The following GALNTL6 variants were observed in gnomAD, a reference collection of about 807,000 sequenced individuals.
The protein encoded by GALNTL6 is polypeptide N-acetylgalactosaminyltransferase-like 6.
GALNTL6 carries 46 observed loss-of-function variants against 73.7 expected under a neutral mutation model. That is an observed-to-expected ratio of 0.62 (90% CI 0.49 to 0.80). The LOEUF is 0.80. Ranked by LOEUF, GALNTL6 falls within the 30% of genes least tolerant of loss-of-function variation. The pLI is 0.00. For missense variants in GALNTL6, 604 were observed against 755.0 expected (o/e 0.80, Z 2.34); for synonymous variants, 259 against 263.7 (o/e 0.98, Z 0.17).
chr4:172,168,592 G>A (rs1734708892), intron 2 of GALNTL6, among the ~76,000 whole-genome samples: 1 of 151,674 alleles, frequency 6.6e-6, no homozygotes, highest in Non-Finnish European at 1.5e-5. Flanking sequence ...TGATGGTGGA[G>A]GTGGTGGTGG....
intron 5 of GALNTL6, among the ~76,000 whole-genome samples, chr4:172,442,694 A>C (rs1035505968): frequency 2.0e-5 from 3 of 152,148 alleles, no homozygotes; most frequent in Admixed American, 6.6e-5. Context: ...GAGTCCATCC[A>C]TTCAGTTACC....
intron 9 of GALNTL6, among the ~76,000 whole-genome samples, chr4:172,939,329 C>A (rs959747064): frequency 6.6e-5 from 10 of 152,014 alleles, no homozygotes; most frequent in African/African-American, 2.2e-4. Flanking sequence ...AATATAACAC[C>A]CTCTACTTAG....
intron 2 of GALNTL6, among the ~76,000 whole-genome samples, chr4:171,897,302 C>A (rs139092425): frequency 8.5e-5 from 13 of 152,216 alleles, no homozygotes; most frequent in African/African-American, 2.9e-4. Flanking sequence ...CTATCTTTAT[C>A]TTATTCATTA....
At chr4:171,842,211 G>A (rs1171266493) in intron 2 of GALNTL6, among the ~76,000 whole-genome samples, 1 of 152,004 alleles carries the variant, frequency 6.6e-6, no homozygotes, top group Non-Finnish European at 1.5e-5. Context: ...TACAATTATA[G>A]TGTGTTGATC....
At position 172,701,632 on chromosome 4, in the gene GALNTL6, CG is replaced by C. The variant is rs1424929151; in HGVS notation, c.554-107727del. 3.9e-5 allele frequency among the ~76,000 whole-genome samples: 6 copies of C among 152,124 alleles called. No homozygotes were observed. The East Asian group carries it at 1.2e-3, about 29-fold the overall frequency. On this transcript the variant is annotated intron_variant, in intron 5 of 12. Coordinates refer to ENST00000506823, the MANE Select transcript of GALNTL6 (RefSeq NM_001034845.3). ...GCTGGTGGCGATTTCTAGTTATAAT[CG>C]GAATAGGACCTCAAGAAATGGAGGT...
chr4:172,328,491 T>C (rs1741018999), intron 4 of GALNTL6, among the ~76,000 whole-genome samples: 1 of 152,208 alleles, frequency 6.6e-6, no homozygotes, highest in Admixed American at 6.5e-5. Context: ...GTTTTCCAAG[T>C]TATTTGCTTT....
At chr4:172,828,564 TA>T (rs544442482) in intron 7 of GALNTL6, among the ~76,000 whole-genome samples, 170 of 151,672 alleles carry the variant, frequency 1.1e-3, no homozygotes, top group African/African-American at 3.5e-3. Flanking sequence ...TAAATTAGCA[TA>T]AAAAAAGAGA....
intron 5 of GALNTL6, among the ~76,000 whole-genome samples, chr4:172,374,796 T>A (rs1396273725): frequency 1.3e-5 from 2 of 152,196 alleles, no homozygotes; most frequent in Non-Finnish European, 1.5e-5. Flanking sequence ...GCTGCATTCT[T>A]TTCATTAGAG....
At chr4:172,129,625 G>A (rs1011793893) in intron 2 of GALNTL6, among the ~76,000 whole-genome samples, 2 of 152,068 alleles carry the variant, frequency 1.3e-5, no homozygotes, top group African/African-American at 4.8e-5. Flanking sequence ...TCACAAAAAT[G>A]TTAACCCAGG....
At position 172,260,435 on chromosome 4, in the gene GALNTL6, G is replaced by A. The variant is rs181256124; in HGVS notation, c.247+30671G>A. 6.3e-4 allele frequency among the ~76,000 whole-genome samples: 95 copies of A among 151,780 alleles called. 1 individual carries two copies. The highest frequency in any genetic ancestry group is 2.2e-3 in the African/African-American group (92 of 41,512). ...GCTGTTGGTGTATAGCAGTGCTACT[G>A]ATTTGTGTACATTGATTTTGTATCC... On this transcript the variant is annotated intron_variant, in intron 3 of 12. Transcript: ENST00000506823.
In GALNTL6 at chr4:172,756,370, G is replaced by T. The variant is rs534009748; in HGVS notation, c.554-52991G>T. 2.0e-4 allele frequency among the ~76,000 whole-genome samples: 30 copies of T among 152,322 alleles called. No individual in the cohort carries two copies. In the South Asian group the frequency reaches 6.0e-3, roughly 31 times the overall value. On this transcript the variant is annotated intron_variant, in intron 5 of 12. Coordinates refer to ENST00000506823, the MANE Select transcript of GALNTL6 (RefSeq NM_001034845.3). The stretch of plus-strand genomic sequence containing the variant: ...ATAAGAAATAAGATGGGGGCTGGGC[G>T]CTGTGGCTCACGCCTGTAATCCCAG...
chr4:172,718,130 A>G (rs1053752512), intron 5 of GALNTL6, among the ~76,000 whole-genome samples: 1 of 152,234 alleles, frequency 6.6e-6, no homozygotes, highest in Non-Finnish European at 1.5e-5. Context: ...TGGAAAAAAT[A>G]CATAATCTTT....
At chr4:172,561,222 C>T (rs973885113) in intron 5 of GALNTL6, among the ~76,000 whole-genome samples, 1 of 138,666 alleles carries the variant, frequency 7.2e-6, no homozygotes, top group Non-Finnish European at 1.5e-5. Flanking sequence ...CACTGCAGTC[C>T]GCAGTCCGGC....
chr4:172,928,883 A>G (rs569493830), intron 8 of GALNTL6, among the ~76,000 whole-genome samples: 1 of 152,326 alleles, frequency 6.6e-6, no homozygotes, highest in South Asian at 2.1e-4. Flanking sequence ...TCAGGCCTGC[A>G]GATAGATCTA....
chr4:172,982,702 CAAGAACA>C (rs1751120259), intron 10 of GALNTL6, among the ~76,000 whole-genome samples: 1 of 151,504 alleles, frequency 6.6e-6, no homozygotes, highest in African/African-American at 2.4e-5. Context: ...ATCCTAATTT[CAAGAACA>C]TGTGAATGTG....
intron 2 of GALNTL6, among the ~76,000 whole-genome samples, chr4:171,898,425 C>T (rs1382925533): frequency 2.0e-5 from 3 of 152,056 alleles, no homozygotes; most frequent in Non-Finnish European, 4.4e-5. Flanking sequence ...AAACTATTAC[C>T]TATAATAACT....
At chr4:172,572,176 T>C (rs1736786957) in intron 5 of GALNTL6, among the ~76,000 whole-genome samples, 1 of 152,164 alleles carries the variant, frequency 6.6e-6, no homozygotes, top group Admixed American at 6.5e-5. Flanking sequence ...CTCTGTACAA[T>C]CTATGATGCG....
chr4:172,249,670 C>G (rs1036330700), intron 3 of GALNTL6, among the ~76,000 whole-genome samples: 1 of 152,150 alleles, frequency 6.6e-6, no homozygotes, highest in African/African-American at 2.4e-5. Flanking sequence ...TAGCTCCAGC[C>G]ATAGCTAAAA....
At chr4:172,708,209 C>T (rs1560895045) in intron 5 of GALNTL6, among the ~76,000 whole-genome samples, 2 of 152,144 alleles carry the variant, frequency 1.3e-5, no homozygotes, top group Non-Finnish European at 2.9e-5. Flanking sequence ...TGTTACCATG[C>T]CCAGCTGATT....
Sources: allele counts gnomAD v4.1 joint callset (sites outside exome capture counted in the v4.1 genomes callset), GRCh38; gene constraint gnomAD v4.1.1; transcripts MANE v1.5; gene names NCBI Gene and HGNC (gene_info 2026-07-23, HGNC 2026-07-21).